IQANK1: variants seen among roughly 807,000 people sequenced by gnomAD.
IQANK1 encodes the protein IQ motif and ankyrin repeat domain-containing protein 1.
IQANK1 carries 30 observed loss-of-function variants against 22.6 expected under a neutral mutation model. The ratio of observed to expected loss-of-function variants is 1.33; its 90% CI spans 0.99 to 1.80. The LOEUF is 1.80. IQANK1 is among the 40% of genes most tolerant of loss of function. IQANK1 has a pLI of 0.00. For synonymous variants in IQANK1, 122 were observed against 99.6 expected (o/e 1.23, Z -1.34); for missense variants, 275 against 235.2 (o/e 1.17, Z -1.11).
chr8:143,767,135 C>A (rs543655466), intron 3 of IQANK1, among the ~76,000 whole-genome samples: 2 of 152,230 alleles, frequency 1.3e-5, no homozygotes, highest in Non-Finnish European at 2.9e-5. Flanking sequence ...TTGGCTCTTT[C>A]GCAGATACAT....
chr8:143,757,912 A>T (rs1819322839), intron 3 of IQANK1, among the ~76,000 whole-genome samples: 1 of 152,192 alleles, frequency 6.6e-6, no homozygotes, highest in Non-Finnish European at 1.5e-5. Flanking sequence ...TTGCATGAAA[A>T]TGTCATTTCT....
chr8:143,789,157 A>C (rs1284040205), intron 8 of IQANK1, 32 bp from the exon 9 acceptor site: 2 of 400,720 alleles, frequency 5.0e-6, no homozygotes, highest in Non-Finnish European at 8.8e-6. Context: ...CGCTGGCGGA[A>C]GCCTCTGTCC....
chr8:143,740,979 C>T (rs1554626418), intron 3 of IQANK1, among the ~76,000 whole-genome samples: 2 of 152,236 alleles, frequency 1.3e-5, no homozygotes, highest in African/African-American at 2.4e-5. Context: ...GCACGGAACA[C>T]AAGCAAGGCC....
chr8:143,766,892 C>G (rs1327842892), intron 3 of IQANK1, among the ~76,000 whole-genome samples: 1 of 152,174 alleles, frequency 6.6e-6, no homozygotes, highest in African/African-American at 2.4e-5. Flanking sequence ...CCTGTCCTCC[C>G]TCTCCTCATA....
In IQANK1 at chr8:143,739,807, A is replaced by C. The variant is rs112917639; in HGVS notation, c.86-52A>C. 9.0e-6 allele frequency: 6 copies of C among 668,258 alleles called. No homozygotes were observed. In the South Asian group the frequency reaches 9.5e-5, roughly 11 times the overall value. The allele number at this position is 668,258 out of a possible 1,614,324, so 41.4% of individuals were successfully genotyped here. ...GCCCCATAAGTGTCTCTTGAGGCTAATGGGGATGGGGGTCTCTCATCCCAA... is the reference window on the plus strand; with the variant it reads ...GCCCCATAAGTGTCTCTTGAGGCTACTGGGGATGGGGGTCTCTCATCCCAA... On this transcript the variant is annotated intron_variant, in intron 2 of 13. Transcript: ENST00000527139.
chr8:143,781,689 G>A (rs144157060), intron 7 of IQANK1, among the ~76,000 whole-genome samples: 2 of 151,908 alleles, frequency 1.3e-5, no homozygotes, highest in East Asian at 3.9e-4. Context: ...ATGTGCTTGT[G>A]TAGTACCATA....
At chr8:143,740,716 C>T (rs1408191821) in intron 3 of IQANK1, among the ~76,000 whole-genome samples, 1 of 152,208 alleles carries the variant, frequency 6.6e-6, no homozygotes, top group Non-Finnish European at 1.5e-5. Flanking sequence ...GGCCTGGCAC[C>T]GGCAGCCACC....
intron 7 of IQANK1, among the ~76,000 whole-genome samples, chr8:143,783,019 TTTCA>T (rs1457508120): frequency 6.6e-6 from 1 of 152,264 alleles, no homozygotes; most frequent in African/African-American, 2.4e-5. Context: ...GTTCATTTAC[TTTCA>T]TTGTTATGGA....
Position 143,772,538 on chromosome 8 carries a change from C to T in IQANK1, c.789+56C>T, listed in dbSNP as rs1398398913. On this transcript the variant is annotated intron_variant, in intron 7 of 13. Coordinates refer to ENST00000527139, the MANE Select transcript of IQANK1 (RefSeq NM_001381874.1). Reference sequence around the variant, plus strand: ...GGTGTGAGCCCCGGGAGGTGTGGGCCTCGGGAGGTGTGAGCCCCGGGAGGT... The same window carrying T: ...GGTGTGAGCCCCGGGAGGTGTGGGCTTCGGGAGGTGTGAGCCCCGGGAGGT... The T allele has an allele frequency of 1.0e-5, 4 of 397,980 alleles. No homozygotes were observed. In the East Asian group the frequency reaches 1.4e-4, roughly 14 times the overall value. 24.7% of individuals were successfully genotyped at this position (397,980 alleles called of 1,614,324 possible).
At chr8:143,750,462 TG>T (rs574480042) in intron 3 of IQANK1, among the ~76,000 whole-genome samples, 73 of 152,352 alleles carry the variant, frequency 4.8e-4, no homozygotes, top group African/African-American at 1.4e-3. Flanking sequence ...AGCATATACT[TG>T]GATCAGGGGT....
At chr8:143,740,278 C>T (rs940999186) in intron 3 of IQANK1, among the ~76,000 whole-genome samples, 1 of 152,048 alleles carries the variant, frequency 6.6e-6, no homozygotes, top group Non-Finnish European at 1.5e-5. Context: ...CATCCCGGGT[C>T]CGCCGCGTCG....
chr8:143,773,175 C>T (rs560423069), intron 7 of IQANK1, among the ~76,000 whole-genome samples: 12 of 152,194 alleles, frequency 7.9e-5, no homozygotes, highest in African/African-American at 2.6e-4. Context: ...GGCGTCGTGG[C>T]GCACGCCTGT....
Position 143,739,854 on chromosome 8 carries a change from C to T in IQANK1, c.86-5C>T, listed in dbSNP as rs1231063978. 4.3e-6 allele frequency: 3 copies of T among 693,360 alleles called. No homozygotes were observed. Among genetic ancestry groups the T allele is most frequent in the Non-Finnish European group, 7.9e-6 (3 of 380,884 alleles). 43.0% of individuals were successfully genotyped at this position (693,360 alleles called of 1,614,324 possible). A position where few individuals can be genotyped will look rare whatever the true frequency, so the allele number is the denominator to read the frequency against. On this transcript the variant is annotated splice_polypyrimidine_tract_variant and splice_region_variant and intron_variant, in intron 2 of 13. Coordinates refer to ENST00000527139, the MANE Select transcript of IQANK1 (RefSeq NM_001381874.1). ...CCAAGCTCACTGACGGTCGTTTTCC[C>T]TTAGGGAAGCCCGGGGAGAACCGCC...
chr8:143,753,111 C>G (rs1426006489), intron 3 of IQANK1, among the ~76,000 whole-genome samples: 1 of 147,828 alleles, frequency 6.8e-6, no homozygotes, highest in Non-Finnish European at 1.5e-5. Context: ...TTAAGCAATC[C>G]TCCCTCCTCA....
intron 7 of IQANK1, among the ~76,000 whole-genome samples, chr8:143,788,167 G>A (rs1287519884): frequency 3.3e-5 from 5 of 152,238 alleles, no homozygotes; most frequent in Non-Finnish European, 4.4e-5. Context: ...GAGCAGGAAG[G>A]GGCAAGTGGC....
At chr8:143,738,733 C>A (rs980918353) in intron 2 of IQANK1, among the ~76,000 whole-genome samples, 1 of 152,140 alleles carries the variant, frequency 6.6e-6, no homozygotes, top group African/African-American at 2.4e-5. Flanking sequence ...GGTCCCACAG[C>A]TGGTCGAGGG....
Position 143,735,981 on chromosome 8 carries a change from C to G in IQANK1, c.85+43C>G. Reference sequence around the variant, plus strand: ...CCTCCAGAGCACTGTCACCCAGACACTGACCTGTGAGACCTTCTATGTAGC... The same window carrying G: ...CCTCCAGAGCACTGTCACCCAGACAGTGACCTGTGAGACCTTCTATGTAGC... On this transcript the variant is annotated intron_variant, in intron 2 of 13. Coordinates refer to ENST00000527139, the MANE Select transcript of IQANK1 (RefSeq NM_001381874.1). This position sits in a 1 kb window ranked among gnomAD's most constrained non-coding sequence, Gnocchi z 5.2. 2 of 702,222 alleles carry G rather than the reference C, an allele frequency of 2.8e-6. No individual in the cohort carries two copies. Among genetic ancestry groups the G allele is most frequent in the Non-Finnish European group, 5.2e-6 (2 of 384,650 alleles). 43.5% of individuals were successfully genotyped at this position (702,222 alleles called of 1,614,324 possible). A position where few individuals can be genotyped will look rare whatever the true frequency, so the allele number is the denominator to read the frequency against.
chr8:143,738,897 G>C (rs1818818373), intron 2 of IQANK1, among the ~76,000 whole-genome samples: 1 of 152,182 alleles, frequency 6.6e-6, no homozygotes, highest in South Asian at 2.1e-4. Flanking sequence ...CAGCTAGCAC[G>C]CCCACAGGAG....
In IQANK1 at chr8:143,771,343, C is replaced by T. The variant is rs1587486779; in HGVS notation, c.176-145C>T. 2.6e-6 allele frequency: 1 copy of T among 379,938 alleles called. No individual in the cohort carries two copies. The highest frequency in any genetic ancestry group is 4.5e-6 in the Non-Finnish European group (1 of 219,852). 23.5% of individuals were successfully genotyped at this position (379,938 alleles called of 1,614,324 possible). On this transcript the variant is annotated intron_variant, in intron 3 of 13. Coordinates refer to ENST00000527139, the MANE Select transcript of IQANK1 (RefSeq NM_001381874.1). This position sits in a 1 kb window ranked among gnomAD's most constrained non-coding sequence, Gnocchi z 6.0. ...GTGCGGCCTCTGCGGGCGGGAACCC[C>T]GGCTCGGCCGCGCTGGGGGCTTTGA...
Sources: gnomAD v4.1 joint callset for allele counts (sites outside exome capture counted in the v4.1 genomes callset) on GRCh38, gnomAD v4.1.1 for gene constraint, Gnocchi (gnomAD v3.1) non-coding constraint, MANE v1.5 for transcripts, NCBI Gene and HGNC (gene_info 2026-07-23, HGNC 2026-07-21) for gene names.